CC2D2B: variants seen among roughly 807,000 people sequenced by gnomAD.
The protein encoded by CC2D2B is protein CC2D2B.
In CC2D2B, 128 loss-of-function variants were observed where a neutral mutation model predicts 161.2. The ratio of observed to expected loss-of-function variants is 0.79; its 90% CI spans 0.69 to 0.92. The LOEUF (loss-of-function observed/expected upper bound fraction) is 0.92. Ranked by LOEUF, CC2D2B falls within the 40% of genes least tolerant of loss-of-function variation. The pLI is 0.00. For missense variants in CC2D2B, 1,173 were observed against 1,375.1 expected (o/e 0.85, Z 2.32); for synonymous variants, 391 against 449.8 (o/e 0.87, Z 1.65).
chr10:95,924,465 G>T, intron 4 of CC2D2B, 75 bp downstream of exon 4: 1 of 808,846 alleles, frequency 1.2e-6, no homozygotes, highest in Non-Finnish European at 1.9e-6. Context: ...AGTTTTCTTT[G>T]TCAAAAGAGC....
Position 95,974,205 on chromosome 10 carries a change from T to C in CC2D2B, c.1943+49T>C, listed in dbSNP as rs1235018436. The C allele has an allele frequency of 2.8e-6, 3 of 1,061,760 alleles. No individual in the cohort carries two copies. The African/African-American group carries it at 4.9e-5, about 17-fold the overall frequency. 65.8% of individuals were successfully genotyped at this position (1,061,760 alleles called of 1,614,324 possible). On this transcript the variant is annotated intron_variant, in intron 17 of 34. Coordinates refer to ENST00000646931, the MANE Select transcript of CC2D2B (RefSeq NM_001349008.3). ...AATAATGCCAGGTCTCAGCAAAGCA[T>C]CACACAAAACATATTATGTGTAAAA... is the stretch of plus-strand genomic sequence containing the variant.
rs1450102498 is a variant in CC2D2B at position 95,938,036 on chromosome 10, A to C, written c.382A>C (p.Asn128His). The change falls in exon 7 of 35, where the codon AAT becomes CAT. Residue 128 changes from asparagine to histidine, a missense_variant. By Grantham distance (68) the Asn-to-His change is moderately conservative (BLOSUM62 1). Coordinates refer to ENST00000646931, the MANE Select transcript of CC2D2B (RefSeq NM_001349008.3). ...SYPKCFSLGV[N>H]LQNVAESEEE... ...TCCCAAATGCTTTTCACTTGGTGTT[A>C]ATTTACAAAATGTTGCTGAGAGTGA... is the stretch of plus-strand genomic sequence containing the variant. The C allele has an allele frequency of 1.1e-5, 17 of 1,551,024 alleles. No individual in the cohort carries two copies. Among genetic ancestry groups the C allele is most frequent in the Non-Finnish European group, 1.5e-5 (17 of 1,146,566 alleles).
chr10:95,926,838 G>C (rs946607919), intron 5 of CC2D2B, among the ~76,000 whole-genome samples: 25 of 137,412 alleles, frequency 1.8e-4, no homozygotes, highest in African/African-American at 4.4e-4. Flanking sequence ...GTGTGTGTGT[G>C]TGTGTGTGTC....
Position 95,970,294 on chromosome 10 carries a change from A to G in CC2D2B, c.1644+1393A>G, listed in dbSNP as rs547152886. 2.8e-4 allele frequency among the ~76,000 whole-genome samples: 43 copies of G among 152,160 alleles called. No individual in the cohort carries two copies. The South Asian group carries it at 8.9e-3, about 32-fold the overall frequency. On this transcript the variant is annotated intron_variant, in intron 15 of 34. Transcript: ENST00000646931. ...AGTGATCTGCCTGCCTCAGCCTCCC[A>G]AAGTGCTGGGATTGCAGGCATGAAC... is the stretch of plus-strand genomic sequence containing the variant.
chr10:95,948,222 A>T (rs2076288808), intron 9 of CC2D2B, among the ~76,000 whole-genome samples: 1 of 145,648 alleles, frequency 6.9e-6, no homozygotes, highest in Non-Finnish European at 1.5e-5. Context: ...AAAAGAACAA[A>T]GCTGGAGGCA....
At chr10:95,911,880 T>C (rs1438223493) in intron 2 of CC2D2B, among the ~76,000 whole-genome samples, 1 of 152,166 alleles carries the variant, frequency 6.6e-6, no homozygotes, top group Non-Finnish European at 1.5e-5. Context: ...AGGGTTGCTA[T>C]CCCCTGGTCA....
intron 5 of CC2D2B, among the ~76,000 whole-genome samples, chr10:95,926,852 G>C (rs868737176): frequency 1.3e-5 from 2 of 150,162 alleles, no homozygotes; most frequent in African/African-American, 2.4e-5. Context: ...GTGTGTCTGT[G>C]TGTGTGTGTG....
At chr10:96,029,490 A>T (rs1307732935) in intron 34 of CC2D2B, among the ~76,000 whole-genome samples, 1 of 151,710 alleles carries the variant, frequency 6.6e-6, no homozygotes, top group Admixed American at 6.6e-5. Context: ...AGAGATGTCC[A>T]AAAGGAAACC....
chr10:96,012,504 T>G, intron 27 of CC2D2B, 28 bp from the exon 28 acceptor site: 1 of 1,493,766 alleles, frequency 6.7e-7, no homozygotes, highest in East Asian at 2.3e-5. Flanking sequence ...TACAGTACAA[T>G]TCTGAAATAC....
chr10:95,965,814 TG>T, intron 12 of CC2D2B, 81 bp from the exon 13 acceptor site: 1 of 395,436 alleles, frequency 2.5e-6, no homozygotes, highest in Non-Finnish European at 4.4e-6. Context: ...TGTGTGTGTG[TG>T]TGTGTGTTGG....
At chr10:95,960,694 G>C (rs10219061) in intron 11 of CC2D2B, among the ~76,000 whole-genome samples, 83,055 of 151,742 alleles carry the variant, frequency 0.55, 23,197 homozygotes, top group Admixed American at 0.62. Context: ...TGTAACTTTT[G>C]TAGAGACAGG....
At chr10:96,013,493 T>A (rs10681230) in intron 28 of CC2D2B, among the ~76,000 whole-genome samples, 1 of 149,586 alleles carries the variant, frequency 6.7e-6, no homozygotes, top group Non-Finnish European at 1.5e-5. Context: ...TAGTAATAAA[T>A]TAAATAATTA....
At chr10:95,937,768 G>A (rs2075878227) in intron 6 of CC2D2B, among the ~76,000 whole-genome samples, 1 of 152,118 alleles carries the variant, frequency 6.6e-6, no homozygotes, top group African/African-American at 2.4e-5. Flanking sequence ...GTGAAGAATT[G>A]CAAAGATGGG....
At chr10:95,949,649 G>A (rs1361858957) in intron 9 of CC2D2B, among the ~76,000 whole-genome samples, 3 of 98,244 alleles carry the variant, frequency 3.1e-5, no homozygotes, top group African/African-American at 4.5e-5. Context: ...CTAAAACTTA[G>A]AGTATAATAA....
intron 11 of CC2D2B, among the ~76,000 whole-genome samples, chr10:95,960,963 T>C (rs2076739218): frequency 6.6e-6 from 1 of 152,140 alleles, no homozygotes; most frequent in African/African-American, 2.4e-5. Context: ...TCTAAGCCAA[T>C]CCCTCACCAG....
At chr10:95,930,460 C>A (rs2098548019) in intron 6 of CC2D2B, among the ~76,000 whole-genome samples, 1 of 152,178 alleles carries the variant, frequency 6.6e-6, no homozygotes, top group African/African-American at 2.4e-5. Flanking sequence ...GAGAGGGCAT[C>A]CTTGTCTTGT....
At position 95,991,453 on chromosome 10, in the gene CC2D2B, A is replaced by G. The variant is rs1304843856; in HGVS notation, c.2463A>G (p.Val821=). Residue 821 remains valine (V), a synonymous_variant, in exon 21 of 35, where the codon GTA becomes GTG. Coordinates refer to ENST00000646931, the MANE Select transcript of CC2D2B (RefSeq NM_001349008.3). The part of the protein sequence containing the change: ...SDIVNDYEEI[V]STSQLTDAVC... ...TTGTGAATGATTATGAAGAAATTGT[A>G]TCTACAAGGTAATTGCTAAAAACTA... The G allele has an allele frequency of 5.8e-6, 6 of 1,031,286 alleles. No homozygotes were observed. The highest frequency in any genetic ancestry group is 7.5e-6 in the Non-Finnish European group (6 of 804,334). 63.9% of individuals were successfully genotyped at this position (1,031,286 alleles called of 1,614,324 possible).
Position 96,007,828 on chromosome 10 carries a change from G to C in CC2D2B, c.2947-1997G>C, listed in dbSNP as rs540854059. Among the ~76,000 whole-genome samples, 8 of 152,242 alleles carry C rather than the reference G, an allele frequency of 5.3e-5. No homozygotes were observed. In the South Asian group the frequency reaches 1.7e-3, roughly 32 times the overall value. ...AGATCATAGGGTGCTGCCAATGGGAGGGGTGGTGGTGGTAGTGAATGCCAA... is the reference window on the plus strand; with the variant it reads ...AGATCATAGGGTGCTGCCAATGGGACGGGTGGTGGTGGTAGTGAATGCCAA... On this transcript the variant is annotated intron_variant, in intron 25 of 34. Coordinates refer to ENST00000646931, the MANE Select transcript of CC2D2B (RefSeq NM_001349008.3).
At chr10:95,932,424 G>A (rs1426887139) in intron 6 of CC2D2B, among the ~76,000 whole-genome samples, 2 of 152,146 alleles carry the variant, frequency 1.3e-5, no homozygotes, top group Non-Finnish European at 2.9e-5. Flanking sequence ...CTGTCATTAC[G>A]ATGCTAGCTG....
Sources: allele counts gnomAD v4.1 joint callset (sites outside exome capture counted in the v4.1 genomes callset), GRCh38; gene constraint gnomAD v4.1.1; transcripts MANE v1.5; gene names NCBI Gene and HGNC (gene_info 2026-07-23, HGNC 2026-07-21).